RALYL: variants seen among roughly 807,000 people sequenced by gnomAD.
The protein encoded by RALYL is RALY RNA binding protein like.
In RALYL, 29 loss-of-function variants were observed where a neutral mutation model predicts 35.1. The ratio of observed to expected loss-of-function variants is 0.83; its 90% CI spans 0.61 to 1.13. The LOEUF (loss-of-function observed/expected upper bound fraction) is 1.13. Ranked by LOEUF, RALYL falls within the 50% of genes most tolerant of loss-of-function variation. The probability of loss-of-function intolerance (pLI) is 0.00; values close to 1 mark genes in which losing one functional copy is unlikely to be tolerated. For missense variants in RALYL, 359 were observed against 360.4 expected, an observed-to-expected ratio of 1.00 and a Z score of 0.03; for synonymous variants, 120 against 127.6, an observed-to-expected ratio of 0.94 and a Z score of 0.40.
chr8:84,651,497 G>A (rs1018004927), intron 2 of RALYL, among the ~76,000 whole-genome samples: 1 of 151,928 alleles, frequency 6.6e-6, no homozygotes, highest in African/African-American at 2.4e-5. Flanking sequence ...CAACCTCCAG[G>A]TTTTGGCAGC....
chr8:84,727,249 C>T (rs1271410510), intron 2 of RALYL, among the ~76,000 whole-genome samples: 1 of 152,038 alleles, frequency 6.6e-6, no homozygotes, highest in African/African-American at 2.4e-5. Context: ...ATGTATGAGA[C>T]ATGATTCTGC....
chr8:84,527,517 A>G (rs1396087916), intron 1 of RALYL, among the ~76,000 whole-genome samples: 1 of 152,220 alleles, frequency 6.6e-6, no homozygotes, highest in Admixed American at 6.5e-5. Context: ...TTCTAAAAAT[A>G]TATGTCACAT....
chr8:84,568,574 A>G (rs2061960534), intron 2 of RALYL, among the ~76,000 whole-genome samples: 1 of 140,492 alleles, frequency 7.1e-6, no homozygotes, highest in Admixed American at 7.3e-5. Flanking sequence ...CAGTAATGAG[A>G]GTGGCTGGGT....
chr8:84,454,054 A>G (rs560194798), intron 1 of RALYL, among the ~76,000 whole-genome samples: 4 of 152,198 alleles, frequency 2.6e-5, no homozygotes, highest in Non-Finnish European at 2.9e-5. Flanking sequence ...CAGAATTCCA[A>G]TGTCAGAAGT....
intron 3 of RALYL, among the ~76,000 whole-genome samples, chr8:84,801,848 AAC>A (rs1282346957): frequency 2.6e-5 from 4 of 152,204 alleles, no homozygotes; most frequent in African/African-American, 7.2e-5. Flanking sequence ...GAAAGGTGGT[AAC>A]ACAAAAACAT....
intron 8 of RALYL, among the ~76,000 whole-genome samples, chr8:84,896,672 G>T (rs1844798009): frequency 6.6e-6 from 1 of 152,144 alleles, no homozygotes; most frequent in Non-Finnish European, 1.5e-5. Context: ...TCAAGGCCTT[G>T]GCATTTGCTG....
intron 1 of RALYL, among the ~76,000 whole-genome samples, chr8:84,515,778 T>A (rs990066581): frequency 7.2e-5 from 11 of 152,138 alleles, no homozygotes; most frequent in Admixed American, 7.2e-4. Flanking sequence ...GAAAAAAATA[T>A]TTTTCCAGCC....
chr8:84,889,448 A>G (rs1843455587), intron 8 of RALYL, among the ~76,000 whole-genome samples: 1 of 152,258 alleles, frequency 6.6e-6, no homozygotes, highest in South Asian at 2.1e-4. Context: ...CTCCTAATTT[A>G]CCACTTGCTC....
intron 2 of RALYL, among the ~76,000 whole-genome samples, chr8:84,696,565 T>C (rs1418166487): frequency 2.0e-5 from 3 of 151,964 alleles, no homozygotes; most frequent in African/African-American, 7.2e-5. Flanking sequence ...ATTTACTGTG[T>C]TCTCCAGGTG....
chr8:84,336,018 T>C (rs1251285009), intron 1 of RALYL, among the ~76,000 whole-genome samples: 1 of 152,148 alleles, frequency 6.6e-6, no homozygotes, highest in Non-Finnish European at 1.5e-5. Flanking sequence ...ATAATCCCAA[T>C]AGTCTGGCAT....
At chr8:84,447,715 A>C (rs1397151225) in intron 1 of RALYL, among the ~76,000 whole-genome samples, 1 of 152,078 alleles carries the variant, frequency 6.6e-6, no homozygotes, top group African/African-American at 2.4e-5. Flanking sequence ...TGGGAAGCTC[A>C]GGACAGAGAA....
intron 1 of RALYL, among the ~76,000 whole-genome samples, chr8:84,517,481 G>A (rs771170767): frequency 2.0e-5 from 3 of 152,106 alleles, no homozygotes; most frequent in Non-Finnish European, 4.4e-5. Flanking sequence ...AAACTGTTGA[G>A]ACCAACATGC....
At chr8:84,833,641 CAAAA>C (rs548355814) in intron 4 of RALYL, among the ~76,000 whole-genome samples, 1 of 70,514 alleles carries the variant, frequency 1.4e-5, no homozygotes. Flanking sequence ...GACTTCGTCT[CAAAA>C]AAAAAAAAAA....
intron 1 of RALYL, among the ~76,000 whole-genome samples, chr8:84,215,213 A>G (rs906849071): frequency 6.6e-6 from 1 of 152,172 alleles, no homozygotes; most frequent in East Asian, 1.9e-4. Flanking sequence ...TATAGTACAC[A>G]TTTTAATATC....
chr8:84,883,677 A>AC (rs1389027042), intron 7 of RALYL, among the ~76,000 whole-genome samples: 1 of 152,044 alleles, frequency 6.6e-6, no homozygotes, highest in Non-Finnish European at 1.5e-5. Flanking sequence ...GGGGACACAG[A>AC]CAAACCATAT....
intron 1 of RALYL, among the ~76,000 whole-genome samples, chr8:84,424,926 T>G (rs1047398329): frequency 3.3e-5 from 5 of 151,642 alleles, no homozygotes; most frequent in African/African-American, 1.2e-4. Flanking sequence ...TCCAGCTGTG[T>G]GCTGGGAGAA....
chr8:84,218,022 A>T (rs947244824), intron 1 of RALYL, among the ~76,000 whole-genome samples: 7 of 152,052 alleles, frequency 4.6e-5, no homozygotes, highest in African/African-American at 7.2e-5. Flanking sequence ...AAGTGATTTG[A>T]AACTATTTTT....
At chr8:84,874,470 C>T (rs1330469085) in intron 7 of RALYL, among the ~76,000 whole-genome samples, 1 of 152,106 alleles carries the variant, frequency 6.6e-6, no homozygotes, top group Non-Finnish European at 1.5e-5. Flanking sequence ...GCCCCAATCT[C>T]AGGTTCTCCT....
At chr8:84,313,415 A>G (rs562919614) in intron 1 of RALYL, among the ~76,000 whole-genome samples, 1 of 152,292 alleles carries the variant, frequency 6.6e-6, no homozygotes, top group Non-Finnish European at 1.5e-5. Flanking sequence ...GGGGTTTTCT[A>G]TCACGGTCAG....
Sources: allele counts gnomAD v4.1 joint callset (sites outside exome capture counted in the v4.1 genomes callset), GRCh38; gene constraint gnomAD v4.1.1; transcripts MANE v1.5; gene names NCBI Gene and HGNC (gene_info 2026-07-23, HGNC 2026-07-21).